The following NDUFAF2 variants were observed in gnomAD, a reference collection of about 807,000 sequenced individuals.
NDUFAF2 encodes the protein NADH:ubiquinone oxidoreductase complex assembly factor 2, also known as NADH dehydrogenase [ubiquinone] 1 alpha subcomplex assembly factor 2.
Under a neutral mutation model 22.8 loss-of-function variants are expected in NDUFAF2, and 13 were observed. The observed-to-expected ratio is 0.57, with a 90% confidence interval of 0.37 to 0.91. The LOEUF is 0.91. Among genes scored for constraint, NDUFAF2 ranks in the 40% least tolerant of loss-of-function variants. NDUFAF2 has a pLI of 0.01. For missense variants in NDUFAF2, 162 were observed against 195.2 expected (o/e 0.83, Z 1.01); for synonymous variants, 53 against 64.2 (o/e 0.83, Z 0.84).
chr5:61,090,883 T>C (rs1412114310), intron 2 of NDUFAF2, among the ~76,000 whole-genome samples: 1 of 152,030 alleles, frequency 6.6e-6, no homozygotes, highest in Admixed American at 6.6e-5. Flanking sequence ...TGTTCCTCTC[T>C]AGGTGTCCAT....
intron 1 of NDUFAF2, among the ~76,000 whole-genome samples, chr5:61,001,072 T>A (rs1751289244): frequency 6.6e-6 from 1 of 152,258 alleles, no homozygotes; most frequent in African/African-American, 2.4e-5. Context: ...CCAGCCACCA[T>A]ATGATACTAT....
chr5:61,018,065 A>G (rs1056306831), intron 1 of NDUFAF2, among the ~76,000 whole-genome samples: 9 of 152,196 alleles, frequency 5.9e-5, no homozygotes, highest in African/African-American at 2.2e-4. Context: ...AACTTATTTA[A>G]TTATAAGTAC....
chr5:60,950,819 G>T (rs1226108794), intron 1 of NDUFAF2, among the ~76,000 whole-genome samples: 1 of 151,978 alleles, frequency 6.6e-6, no homozygotes, highest in Admixed American at 6.6e-5. Context: ...TTAATATCTT[G>T]CATTAATGTG....
intron 1 of NDUFAF2, among the ~76,000 whole-genome samples, chr5:60,998,315 AT>A (rs950734493): frequency 9.9e-5 from 15 of 152,160 alleles, no homozygotes; most frequent in Non-Finnish European, 1.6e-4. Context: ...ATTATAGATG[AT>A]TTTAAATGAT....
At chr5:60,977,920 A>G (rs565061649) in intron 1 of NDUFAF2, among the ~76,000 whole-genome samples, 151 of 152,274 alleles carry the variant, frequency 9.9e-4, no homozygotes, top group African/African-American at 3.4e-3. Flanking sequence ...AACTATGCAC[A>G]TGAAAAAGCA....
At chr5:61,073,262 C>G (rs1260441973) in intron 2 of NDUFAF2, 48 bp downstream of exon 2, 2 of 1,291,672 alleles carry the variant, frequency 1.5e-6, no homozygotes, top group Non-Finnish European at 2.3e-6. Flanking sequence ...AGTTATATAA[C>G]AGTATACAAA....
At chr5:61,115,392 T>C (rs929922629) in intron 3 of NDUFAF2, 3 of 152,368 alleles carry the variant, frequency 2.0e-5, no homozygotes, top group African/African-American at 7.2e-5. Context: ...AGGAGACCGC[T>C]TGATGCTCTA....
At chr5:61,093,138 G>A (rs1381197176) in intron 2 of NDUFAF2, among the ~76,000 whole-genome samples, 1 of 152,198 alleles carries the variant, frequency 6.6e-6, no homozygotes, top group Non-Finnish European at 1.5e-5. Flanking sequence ...GGCTCAGCAA[G>A]TCTGCTCATT....
chr5:61,069,112 C>G (rs1003842122), intron 1 of NDUFAF2, among the ~76,000 whole-genome samples: 27 of 148,980 alleles, frequency 1.8e-4, no homozygotes, highest in Non-Finnish European at 5.9e-5. Context: ...GTAAACATGC[C>G]ATAAATGTTA....
At chr5:61,034,952 T>C (rs1221986818) in intron 1 of NDUFAF2, among the ~76,000 whole-genome samples, 1 of 144,004 alleles carries the variant, frequency 6.9e-6, no homozygotes, top group Non-Finnish European at 1.6e-5. Context: ...GTAACAAATA[T>C]GTTCTCTTTT....
intron 1 of NDUFAF2, among the ~76,000 whole-genome samples, chr5:61,040,281 C>T (rs10043970): frequency 1.7e-4 from 15 of 86,458 alleles, no homozygotes; most frequent in African/African-American, 8.0e-4. Flanking sequence ...CACACACACA[C>T]ACACACGCGC....
chr5:60,968,938 C>T lies in NDUFAF2; in HGVS notation c.127+23556C>T, dbSNP rs116263083. On this transcript the variant is annotated intron_variant, in intron 1 of 3. Transcript: ENST00000296597. ...ATTCAGTTGTTTTAATTTTTAGCTTCCACAAATAAGTGAGAACATGTGAAA... is the reference window on the plus strand; with the variant it reads ...ATTCAGTTGTTTTAATTTTTAGCTTTCACAAATAAGTGAGAACATGTGAAA... 3.7e-3 allele frequency among the ~76,000 whole-genome samples: 557 copies of T among 152,104 alleles called. 3 individuals carry two copies. Among genetic ancestry groups the T allele is most frequent in the African/African-American group, 6.5e-3 (268 of 41,522 alleles).
chr5:61,101,317 T>G (rs1378333606), intron 3 of NDUFAF2, among the ~76,000 whole-genome samples: 1 of 152,150 alleles, frequency 6.6e-6, no homozygotes, highest in Non-Finnish European at 1.5e-5. Flanking sequence ...AAGAAAACCT[T>G]AAGCCAACTT....
At chr5:61,146,232 T>G (rs1741135766) in intron 3 of NDUFAF2, 1 of 152,208 alleles carries the variant, frequency 6.6e-6, no homozygotes, top group Non-Finnish European at 1.5e-5. Context: ...TATTGGTATT[T>G]TCAATGGACA....
intron 2 of NDUFAF2, among the ~76,000 whole-genome samples, chr5:61,094,474 A>T (rs1752610233): frequency 1.3e-5 from 2 of 152,156 alleles, no homozygotes; most frequent in South Asian, 4.1e-4. Flanking sequence ...CATATTCTGA[A>T]TTCTACTTCG....
chr5:61,077,666 C>G (rs372455614), intron 2 of NDUFAF2, among the ~76,000 whole-genome samples: 19 of 152,038 alleles, frequency 1.2e-4, no homozygotes, highest in African/African-American at 4.6e-4. Flanking sequence ...GGGAAAGATC[C>G]AGTCAGAAAG....
intron 1 of NDUFAF2, among the ~76,000 whole-genome samples, chr5:61,055,885 A>G (rs1366033974): frequency 1.3e-5 from 2 of 152,226 alleles, no homozygotes; most frequent in Non-Finnish European, 2.9e-5. Context: ...TAGTTTCCTC[A>G]ATTATAAAAG....
At chr5:61,069,126 CT>C (rs71606660) in intron 1 of NDUFAF2, among the ~76,000 whole-genome samples, 7,606 of 136,764 alleles carry the variant, frequency 0.056, 540 homozygotes, top group African/African-American at 0.17. Context: ...AATGTTAGTG[CT>C]TTTTTTTTTT....
chr5:60,990,629 A>G (rs1751145880), intron 1 of NDUFAF2, among the ~76,000 whole-genome samples: 1 of 152,128 alleles, frequency 6.6e-6, no homozygotes, highest in East Asian at 1.9e-4. Context: ...ACATGAGAGG[A>G]TTGACTTTGT....
Sources: gnomAD v4.1 joint callset for allele counts (sites outside exome capture counted in the v4.1 genomes callset) on GRCh38, gnomAD v4.1.1 for gene constraint, MANE v1.5 for transcripts, NCBI Gene and HGNC (gene_info 2026-07-23, HGNC 2026-07-21) for gene names.